Variants in INPP5D observed in about 807,000 individuals in gnomAD.
INPP5D encodes phosphatidylinositol 3,4,5-trisphosphate 5-phosphatase 1.
In INPP5D, 33 loss-of-function variants were observed where a neutral mutation model predicts 122.9. The observed-to-expected ratio is 0.27, with a 90% confidence interval of 0.20 to 0.36. The LOEUF is 0.36. Among genes scored for constraint, INPP5D ranks in the 10% least tolerant of loss-of-function variants. The pLI, the probability that INPP5D is intolerant of heterozygous loss-of-function variation, is 1.00. For missense variants in INPP5D, 1,053 were observed against 1,412.7 expected (o/e 0.75, Z 4.08); for synonymous variants, 584 against 576.2 (o/e 1.01, Z -0.19).
chr2:233,137,897 T>C (rs10191254), intron 5 of INPP5D, among the ~76,000 whole-genome samples: 2,368 of 44,308 alleles, frequency 0.053, 259 homozygotes, highest in African/African-American at 0.14. Flanking sequence ...TATATATATA[T>C]ACACACACAC....
intron 2 of INPP5D, among the ~76,000 whole-genome samples, chr2:233,095,838 C>T (rs1692126516): frequency 1.3e-5 from 2 of 152,100 alleles, no homozygotes; most frequent in South Asian, 4.1e-4. Flanking sequence ...TGCAAATCCC[C>T]CACCCTAGTC....
In INPP5D at chr2:233,206,597, C is replaced by T. The variant is rs7609307; in HGVS notation, c.3568-109C>T. The stretch of plus-strand genomic sequence containing the variant: ...TGAGTGCTGGCTCTTCTCAGCTACA[C>T]GTTAAAGGAAGCCTGGCCTAGCCCA... On this transcript the variant is annotated intron_variant, in intron 26 of 26. Coordinates refer to ENST00000445964, the MANE Select transcript of INPP5D (RefSeq NM_001017915.3). The surrounding 1 kb of genome is among the most constrained non-coding windows in gnomAD (Gnocchi z 4.0). The T allele has an allele frequency of 0.012, 8,289 of 687,156 alleles. 481 individuals carry two copies. The African/African-American group carries it at 0.13, about 11-fold the overall frequency. The allele number at this position is 687,156 out of a possible 1,614,324, so 42.6% of individuals were successfully genotyped here.
Position 233,129,113 on chromosome 2 carries a change from C to G in INPP5D, c.525-1395C>G, listed in dbSNP as rs1559308148. Among the ~76,000 whole-genome samples the G allele has an allele frequency of 2.0e-5, 3 of 151,984 alleles. 1 individual carries two copies. The East Asian group carries it at 5.8e-4, about 29-fold the overall frequency. On this transcript the variant is annotated intron_variant, in intron 4 of 26. Coordinates refer to ENST00000445964, the MANE Select transcript of INPP5D (RefSeq NM_001017915.3). ...CTTGGGGGTTGGAGGTTGCAGTGAG[C>G]CGAGATCTTGCCATTGCACTCCAGC... is the stretch of plus-strand genomic sequence containing the variant.
rs1373697115 is a variant in INPP5D at position 233,206,688 on chromosome 2, T to A, written c.3568-18T>A. 1.3e-6 allele frequency: 1 copy of A among 773,006 alleles called. No individual in the cohort carries two copies. Among genetic ancestry groups the A allele is most frequent in the Non-Finnish European group, 2.4e-6 (1 of 414,588 alleles). The allele number at this position is 773,006 out of a possible 1,614,324, so 47.9% of individuals were successfully genotyped here. A position where few individuals can be genotyped will look rare whatever the true frequency, so the allele number is the denominator to read the frequency against. On this transcript the variant is annotated intron_variant, in intron 26 of 26. Coordinates refer to ENST00000445964, the MANE Select transcript of INPP5D (RefSeq NM_001017915.3). This position sits in a 1 kb window ranked among gnomAD's most constrained non-coding sequence, Gnocchi z 4.0. The stretch of plus-strand genomic sequence containing the variant: ...GGTGAGAATGAGCCCTGACAGCCCT[T>A]CTGTTCTTGTCCCACAGTGAAGCCC...
chr2:233,193,841 G>A lies in INPP5D; in HGVS notation c.2476G>A (p.Ala826Thr), dbSNP rs752136060. 10 of 1,613,784 alleles carry A rather than the reference G, an allele frequency of 6.2e-6. No homozygotes were observed. The highest frequency in any genetic ancestry group is 1.6e-4 in the Middle Eastern group (1 of 6,062). ...GEGCIALRLE[A>T]TETQLPIYTP... ...GGGCTGCATTGCCCTTCGGTTAGAG[G>A]CCACAGAAACGCAGCTGCCCATCTA... is the stretch of plus-strand genomic sequence containing the variant. Residue 826 changes from alanine (A) to threonine (T), a missense_variant, in exon 23 of 27, where the codon GCC becomes ACC. This residue lies in a region of INPP5D where 258 missense variants were observed against 439.1 expected (regional missense o/e 0.59). Transcript: ENST00000445964.
chr2:233,085,741 C>T (rs948625513), intron 2 of INPP5D, among the ~76,000 whole-genome samples: 7 of 152,126 alleles, frequency 4.6e-5, no homozygotes, highest in African/African-American at 1.7e-4. Flanking sequence ...ACTGAGCAGC[C>T]CCTCCCTCTT....
At chr2:233,146,338 C>T in intron 7 of INPP5D, 29 bp from the exon 8 acceptor site, 1 of 704,282 alleles carries the variant, frequency 1.4e-6, no homozygotes, top group Non-Finnish European at 2.6e-6. Context: ...GTCCCCTTGA[C>T]CCTCTGTCTC....
intron 26 of INPP5D, chr2:233,205,783 A>G (rs1219085723): frequency 6.6e-6 from 1 of 152,166 alleles, no homozygotes; most frequent in Non-Finnish European, 1.5e-5. Flanking sequence ...AACAGTGATT[A>G]AGAACAGACT....
chr2:233,155,496 C>T (rs1034040778), intron 9 of INPP5D, among the ~76,000 whole-genome samples: 2 of 152,056 alleles, frequency 1.3e-5, no homozygotes, highest in Admixed American at 6.6e-5. Flanking sequence ...GTGGTGCACG[C>T]CTGTGATCCC....
intron 25 of INPP5D, 58 bp from the exon 26 acceptor site, chr2:233,204,068 A>G (rs1695411859): frequency 6.9e-7 from 1 of 1,450,276 alleles, no homozygotes; most frequent in Non-Finnish European, 9.1e-7. Context: ...TTAAGCAGCC[A>G]TGCTCCCATG....
chr2:233,205,363 A>T (rs922203400), intron 26 of INPP5D: 1 of 126,070 alleles, frequency 7.9e-6, no homozygotes, highest in Middle Eastern at 3.6e-3. Context: ...AAAAAAAAAA[A>T]ATTAAAAAAC....
chr2:233,175,943 A>G (rs1175450558), intron 17 of INPP5D, among the ~76,000 whole-genome samples: 3 of 152,202 alleles, frequency 2.0e-5, no homozygotes, highest in African/African-American at 7.2e-5. Context: ...TGGCCTCCCA[A>G]AGTGCTGGGA....
intron 2 of INPP5D, among the ~76,000 whole-genome samples, chr2:233,101,712 A>G (rs1490176356): frequency 6.9e-6 from 1 of 145,898 alleles, no homozygotes; most frequent in Non-Finnish European, 1.5e-5. Flanking sequence ...TATATAAATA[A>G]TATATATTAT....
chr2:233,126,579 A>G (rs963782437), intron 4 of INPP5D, among the ~76,000 whole-genome samples: 15 of 152,278 alleles, frequency 9.9e-5, no homozygotes, highest in African/African-American at 3.1e-4. Context: ...TGTTGCTACT[A>G]TGTTGATTGT....
In INPP5D at chr2:233,204,510, G is replaced by A; in HGVS notation, c.3360G>A (p.Arg1120=). 3 of 1,581,656 alleles carry A rather than the reference G, an allele frequency of 1.9e-6. No individual in the cohort carries two copies. The highest frequency in any genetic ancestry group is 2.6e-6 in the Non-Finnish European group (3 of 1,165,356). The part of the protein sequence containing the change: ...VSSQAPVPAK[R]PIKPSRSEIN... Reference sequence around the variant, plus strand: ...CCCAGGCCCCGGTGCCGGCCAAGAGGCCCATCAAGCCTTCCAGATCGGAAA... The same window carrying A: ...CCCAGGCCCCGGTGCCGGCCAAGAGACCCATCAAGCCTTCCAGATCGGAAA... Residue 1120 remains arginine (R), a synonymous_variant, in exon 26 of 27, where the codon AGG becomes AGA. Coordinates refer to ENST00000445964, the MANE Select transcript of INPP5D (RefSeq NM_001017915.3).
At chr2:233,113,340 C>T (rs1692684100) in intron 2 of INPP5D, among the ~76,000 whole-genome samples, 1 of 151,990 alleles carries the variant, frequency 6.6e-6, no homozygotes, top group South Asian at 2.1e-4. Flanking sequence ...TCTGCTGGCC[C>T]TGGACACTTC....
chr2:233,150,385 T>C (rs1224147762), intron 9 of INPP5D, among the ~76,000 whole-genome samples: 1 of 152,206 alleles, frequency 6.6e-6, no homozygotes, highest in Admixed American at 6.5e-5. Flanking sequence ...TCTGCTATGA[T>C]TGTGAGGCCT....
rs554607263 is a variant in INPP5D at position 233,170,833 on chromosome 2, G to A, written c.1900+229G>A. Among the ~76,000 whole-genome samples, 2 of 151,278 alleles carry A rather than the reference G, an allele frequency of 1.3e-5. No homozygotes were observed. The highest frequency in any genetic ancestry group is 1.3e-4 in the Admixed American group (2 of 15,184). On this transcript the variant is annotated intron_variant, in intron 16 of 26. Transcript: ENST00000445964. The surrounding 1 kb of genome is among the most constrained non-coding windows in gnomAD (Gnocchi z 4.5). The stretch of plus-strand genomic sequence containing the variant: ...AGGCAGGAGGATGGTGTGAACCAGG[G>A]AGGCAGAGCTTGCAGTGAGCCAAGA...
chr2:233,167,335 C>T (rs1438087576), intron 13 of INPP5D, among the ~76,000 whole-genome samples: 1 of 152,036 alleles, frequency 6.6e-6, no homozygotes, highest in African/African-American at 2.4e-5. Flanking sequence ...TTTGCCACTG[C>T]ACTCCAGCCT....
Sources: gnomAD v4.1 joint callset for allele counts (sites outside exome capture counted in the v4.1 genomes callset) on GRCh38, gnomAD v4.1.1 for gene constraint, gnomAD v4.1.1 regional missense constraint, Gnocchi (gnomAD v3.1) non-coding constraint, MANE v1.5 for transcripts, NCBI Gene and HGNC (gene_info 2026-07-23, HGNC 2026-07-21) for gene names.